GALNT7: variants seen among roughly 807,000 people sequenced by gnomAD.
GALNT7 encodes the protein polypeptide N-acetylgalactosaminyltransferase 7, also known as N-acetylgalactosaminyltransferase 7.
Under a neutral mutation model 82.1 loss-of-function variants are expected in GALNT7, and 60 were observed. That is an observed-to-expected ratio of 0.73 (90% CI 0.59 to 0.91). GALNT7 has a LOEUF of 0.91. GALNT7 is among the 40% of genes least tolerant of loss of function. The pLI is 0.00. For synonymous variants in GALNT7, 243 were observed against 275.1 expected, an observed-to-expected ratio of 0.88 and a Z score of 1.15; for missense variants, 660 against 804.2, an observed-to-expected ratio of 0.82 and a Z score of 2.17.
chr4:173,291,099 C>T (rs1030345037), intron 2 of GALNT7, among the ~76,000 whole-genome samples: 1 of 152,206 alleles, frequency 6.6e-6, no homozygotes, highest in African/African-American at 2.4e-5. Context: ...AATTTCCTTT[C>T]ATGTTTTACG....
intron 2 of GALNT7, among the ~76,000 whole-genome samples, chr4:173,270,259 C>T (rs1471491960): frequency 6.6e-6 from 1 of 151,962 alleles, no homozygotes; most frequent in Non-Finnish European, 1.5e-5. Flanking sequence ...ATGTGCTCTC[C>T]AGAATAAAGA....
At chr4:173,180,694 A>T (rs1246167696) in intron 1 of GALNT7, among the ~76,000 whole-genome samples, 6 of 152,114 alleles carry the variant, frequency 3.9e-5, no homozygotes, top group Non-Finnish European at 4.4e-5. Context: ...CCATTTCAAA[A>T]CTTGTCTTAG....
intron 4 of GALNT7, 62 bp downstream of exon 4, chr4:173,295,588 T>A: frequency 6.8e-7 from 1 of 1,478,168 alleles, no homozygotes; most frequent in African/African-American, 1.4e-5. Flanking sequence ...ATCATACACA[T>A]TTTTAATCAT....
At chr4:173,279,511 A>G (rs1736034468) in intron 2 of GALNT7, among the ~76,000 whole-genome samples, 2 of 152,180 alleles carry the variant, frequency 1.3e-5, no homozygotes, top group South Asian at 2.1e-4. Context: ...CTGAAAATGT[A>G]TATTGATTTC....
At chr4:173,301,914 T>C (rs560755443) in intron 6 of GALNT7, 133 bp from the exon 7 acceptor site, 2 of 591,694 alleles carry the variant, frequency 3.4e-6, no homozygotes, top group Admixed American at 5.7e-5. Flanking sequence ...GCTTTATAAT[T>C]TCTTAATGTT....
rs1233981580 is a variant in GALNT7 at position 173,290,465 on chromosome 4, TAAC to T, written c.588-1640_588-1638del. Among the ~76,000 whole-genome samples the T allele has an allele frequency of 2.6e-5, 4 of 152,280 alleles. No individual in the cohort carries two copies. In the East Asian group the frequency reaches 7.7e-4, roughly 29 times the overall value. ...TTAAAAACTATATACAGCCAACTAT[TAAC>T]AATGATTTCCTCTAGGAGATGAGAT... On this transcript the variant is annotated intron_variant, in intron 2 of 11. Coordinates refer to ENST00000265000, the MANE Select transcript of GALNT7 (RefSeq NM_017423.3).
At chr4:173,180,326 C>CTTTTT (rs10687213) in intron 1 of GALNT7, among the ~76,000 whole-genome samples, 6 of 123,216 alleles carry the variant, frequency 4.9e-5, no homozygotes, top group Admixed American at 8.8e-5. Context: ...ATTGGAGTTC[C>CTTTTT]TTTTTTTTTT....
intron 2 of GALNT7, among the ~76,000 whole-genome samples, chr4:173,283,783 C>G (rs1241944605): frequency 6.6e-6 from 1 of 152,022 alleles, no homozygotes; most frequent in Non-Finnish European, 1.5e-5. Context: ...TAAAGGGAAA[C>G]ACACCCTTTC....
chr4:173,317,373 C>CTT, intron 9 of GALNT7: 1 of 276,064 alleles, frequency 3.6e-6, no homozygotes, highest in Non-Finnish European at 6.9e-6. Flanking sequence ...TTAATGGTAA[C>CTT]TTTTTTTTTC....
At position 173,322,148 on chromosome 4, in the gene GALNT7, CTTTA is replaced by C. The variant is rs943225336; in HGVS notation, c.*436_*439del. ...CTTGGTGATTATCAACCTGTTGTGT[CTTTA>C]TTTAATTTTACATCTTTTTGAAGCA... On this transcript the variant is annotated 3_prime_UTR_variant, in exon 12 of 12. Coordinates refer to ENST00000265000, the MANE Select transcript of GALNT7 (RefSeq NM_017423.3). 6.5e-6 allele frequency: 1 copy of C among 154,024 alleles called. No individual in the cohort carries two copies. Among genetic ancestry groups the C allele is most frequent in the African/African-American group, 2.4e-5 (1 of 41,444 alleles). The allele number at this position is 154,024 out of a possible 1,614,324, so 9.5% of individuals were successfully genotyped here.
At chr4:173,311,271 A>G (rs1056575072) in intron 8 of GALNT7, among the ~76,000 whole-genome samples, 1 of 152,220 alleles carries the variant, frequency 6.6e-6, no homozygotes, top group African/African-American at 2.4e-5. Context: ...ATGTGTATAC[A>G]TAACTCTTCA....
chr4:173,287,785 A>G (rs1274044877), intron 2 of GALNT7, among the ~76,000 whole-genome samples: 1 of 152,172 alleles, frequency 6.6e-6, no homozygotes, highest in African/African-American at 2.4e-5. Flanking sequence ...TTCCCAGGGT[A>G]CCCTAAGGGT....
intron 2 of GALNT7, among the ~76,000 whole-genome samples, chr4:173,260,681 A>C (rs1156785940): frequency 2.0e-5 from 3 of 152,198 alleles, no homozygotes; most frequent in Admixed American, 6.5e-5. Flanking sequence ...AGAAATGAGC[A>C]TGCCTTTTTA....
chr4:173,249,564 T>C (rs920495131), intron 2 of GALNT7, among the ~76,000 whole-genome samples: 27 of 152,152 alleles, frequency 1.8e-4, no homozygotes, highest in Non-Finnish European at 1.6e-4. Context: ...GAAGGAAGAA[T>C]CTTAGAGTAA....
intron 2 of GALNT7, among the ~76,000 whole-genome samples, chr4:173,289,716 C>G (rs1233414693): frequency 6.6e-6 from 1 of 152,120 alleles, no homozygotes; most frequent in Non-Finnish European, 1.5e-5. Flanking sequence ...GGGGAGGAAA[C>G]TTTTTCCTGA....
chr4:173,245,696 G>A (rs922669626), intron 1 of GALNT7, among the ~76,000 whole-genome samples: 18 of 152,162 alleles, frequency 1.2e-4, no homozygotes, highest in African/African-American at 4.3e-4. Context: ...ACTAACATAA[G>A]TAAGTATAAT....
intron 1 of GALNT7, among the ~76,000 whole-genome samples, chr4:173,191,206 TTCAGA>T (rs1050414626): frequency 1.3e-5 from 2 of 151,674 alleles, no homozygotes; most frequent in Non-Finnish European, 2.9e-5. Context: ...CAAGTTGGGG[TTCAGA>T]TCTCTGGGGA....
chr4:173,300,477 T>C (rs1449145773), intron 6 of GALNT7, among the ~76,000 whole-genome samples: 2 of 152,088 alleles, frequency 1.3e-5, no homozygotes, highest in East Asian at 3.9e-4. Flanking sequence ...CAAAGTGTCA[T>C]TTAGGCTGAG....
intron 2 of GALNT7, among the ~76,000 whole-genome samples, chr4:173,273,199 T>A (rs1462415113): frequency 1.3e-5 from 2 of 152,200 alleles, no homozygotes; most frequent in African/African-American, 4.8e-5. Flanking sequence ...AGGCATATAA[T>A]CACTCACTGA....
Sources: allele counts gnomAD v4.1 joint callset (sites outside exome capture counted in the v4.1 genomes callset), GRCh38; gene constraint gnomAD v4.1.1; transcripts MANE v1.5; gene names NCBI Gene and HGNC (gene_info 2026-07-23, HGNC 2026-07-21).